GSE1: variants seen among roughly 807,000 people sequenced by gnomAD.
GSE1 encodes genetic suppressor element 1.
A neutral mutation model predicts 112.6 loss-of-function variants in GSE1; 32 were observed. That is an observed-to-expected ratio of 0.28 (90% CI 0.21 to 0.38). The LOEUF (loss-of-function observed/expected upper bound fraction) is 0.38, where lower values mean the gene tolerates loss of function less well. GSE1 is among the 10% of genes least tolerant of loss of function. The pLI is 1.00. For synonymous variants in GSE1, 1,115 were observed against 735.6 expected (o/e 1.52, Z -8.35); for missense variants, 2,348 against 1,699.2 (o/e 1.38, Z -6.71).
chr16:85,171,917 G>C (rs4783141), intron 1 of GSE1: 87,355 of 565,282 alleles, frequency 0.15, 7,852 homozygotes, highest in East Asian at 0.48. Context: ...GTTTTCACTG[G>C]TTCTGTGCGG....
chr16:85,272,836 A>T (rs1347150823), intron 1 of GSE1, among the ~76,000 whole-genome samples: 2 of 147,904 alleles, frequency 1.4e-5, no homozygotes, highest in African/African-American at 5.0e-5. Flanking sequence ...GAGTGCAATG[A>T]CATGATCTCT....
chr16:85,502,562 G>A (rs140585248), intron 2 of GSE1, among the ~76,000 whole-genome samples: 41 of 152,236 alleles, frequency 2.7e-4, no homozygotes, highest in Non-Finnish European at 5.3e-4. Context: ...CTGAGCCAAG[G>A]CCTCCACCTG....
chr16:85,374,667 C>G (rs914628651), intron 2 of GSE1, among the ~76,000 whole-genome samples: 1 of 152,248 alleles, frequency 6.6e-6, no homozygotes, highest in South Asian at 2.1e-4. Context: ...TGGCAGCCAG[C>G]CAGGCCCATG....
chr16:85,248,289 C>T (rs961209466), intron 1 of GSE1, among the ~76,000 whole-genome samples: 23 of 152,126 alleles, frequency 1.5e-4, no homozygotes, highest in African/African-American at 5.1e-4. Context: ...TTTGTCTTCC[C>T]GCCTCTGCCC....
At position 85,661,168 on chromosome 16, in the gene GSE1, C is replaced by G; in HGVS notation, c.1663C>G (p.Pro555Ala). The G allele has an allele frequency of 6.3e-7, 1 of 1,591,860 alleles. No individual in the cohort carries two copies. Among genetic ancestry groups the G allele is most frequent in the Non-Finnish European group, 8.6e-7 (1 of 1,163,800 alleles). Residue 555 changes from proline to alanine, a missense_variant, in exon 9 of 16, where the codon CCA becomes GCA. Coordinates refer to ENST00000253458, the MANE Select transcript of GSE1 (RefSeq NM_014615.5). ...TAGGCCAGGACCAAACCGTCACGAG[C>G]CAGGTGGCCGTGACCCTCCGCAGCA... ...TTRPGPNRHE[P>A]GGRDPPQHFG...
exon 1 of GSE1, chr16:85,169,854 G>T (rs946224256): frequency 4.1e-6 from 4 of 984,414 alleles, no homozygotes; most frequent in Non-Finnish European, 4.8e-6. Flanking sequence ...CGGTGGACAA[G>T]CGCATGTACT....
chr16:85,511,734 C>G (rs1406790434), intron 2 of GSE1, among the ~76,000 whole-genome samples: 2 of 152,092 alleles, frequency 1.3e-5, no homozygotes, highest in Admixed American at 6.5e-5. Context: ...ATTTGAGACA[C>G]GCAGGGGCTG....
At position 85,402,158 on chromosome 16, in the gene GSE1, G is replaced by A. The variant is rs140486950; in HGVS notation, c.2464+44515G>A. ...CGGAACGCAGCTTACGGCACACTCT[G>A]GGTGCCCTGCGATGTCTGGGCTGTG... On this transcript the variant is annotated intron_variant, in intron 2 of 2. Coordinates refer to the GSE1 transcript ENST00000637419. Among the ~76,000 whole-genome samples, 1,238 of 152,336 alleles carry A rather than the reference G, an allele frequency of 8.1e-3. 19 individuals are homozygous for A. Among genetic ancestry groups the A allele is most frequent in the South Asian group, 0.023 (110 of 4,824 alleles).
chr16:85,511,166 G>A (rs1261245022), intron 2 of GSE1, among the ~76,000 whole-genome samples: 1 of 152,176 alleles, frequency 6.6e-6, no homozygotes, highest in Non-Finnish European at 1.5e-5. Flanking sequence ...GGCCATCTGA[G>A]CTGGACTCAG....
At chr16:85,254,305 C>T (rs574244190) in intron 1 of GSE1, among the ~76,000 whole-genome samples, 3 of 152,200 alleles carry the variant, frequency 2.0e-5, no homozygotes, top group African/African-American at 7.2e-5. Context: ...TCCCACAGAG[C>T]CCTGCCTGCC....
upstream of GSE1, among the ~76,000 whole-genome samples, chr16:85,608,479 A>T (rs1043420873): frequency 6.7e-6 from 1 of 150,318 alleles, no homozygotes; most frequent in African/African-American, 2.5e-5. Context: ...CAGGCACTGG[A>T]CAGCTGCCCA....
intron 1 of GSE1, among the ~76,000 whole-genome samples, chr16:85,289,783 T>C (rs1185280731): frequency 6.6e-6 from 1 of 152,158 alleles, no homozygotes; most frequent in East Asian, 1.9e-4. Context: ...GGCTGGTCTT[T>C]GTCCCTCAAC....
intron 2 of GSE1, among the ~76,000 whole-genome samples, chr16:85,442,973 CT>C (rs1248982160): frequency 2.0e-5 from 3 of 152,202 alleles, no homozygotes; most frequent in African/African-American, 7.2e-5. Context: ...ACCCTGACCC[CT>C]GGCTCCGTCC....
At chr16:85,211,514 C>T (rs1417059575) in intron 1 of GSE1, among the ~76,000 whole-genome samples, 1 of 152,194 alleles carries the variant, frequency 6.6e-6, no homozygotes, top group Non-Finnish European at 1.5e-5. Context: ...GCGAGCCTCG[C>T]TTCAGTCATC....
intron 1 of GSE1, among the ~76,000 whole-genome samples, chr16:85,626,120 G>C (rs1196743334): frequency 6.6e-6 from 1 of 151,952 alleles, no homozygotes; most frequent in African/African-American, 2.4e-5. Flanking sequence ...AGGGCAGCCT[G>C]GGGGGGTGTT....
At chr16:85,515,286 G>A (rs919592037) in intron 2 of GSE1, among the ~76,000 whole-genome samples, 1 of 152,216 alleles carries the variant, frequency 6.6e-6, no homozygotes, top group Non-Finnish European at 1.5e-5. Context: ...CGGAGGCAGT[G>A]CCCGGGGAGC....
intron 1 of GSE1, among the ~76,000 whole-genome samples, chr16:85,326,599 C>A (rs1478654449): frequency 6.6e-6 from 1 of 152,252 alleles, no homozygotes; most frequent in Non-Finnish European, 1.5e-5. Context: ...GCTTCTGCTT[C>A]CCCTTCTGCC....
chr16:85,411,609 C>T (rs1191213317), intron 2 of GSE1, among the ~76,000 whole-genome samples: 11 of 18,796 alleles, frequency 5.9e-4, no homozygotes, highest in African/African-American at 6.6e-4. Context: ...CACTCAGGGC[C>T]CCCCCGGATA....
At chr16:85,344,520 G>C (rs771887792) in intron 1 of GSE1, among the ~76,000 whole-genome samples, 1 of 152,030 alleles carries the variant, frequency 6.6e-6, no homozygotes, top group Non-Finnish European at 1.5e-5. Context: ...ACATTTGATG[G>C]GCACCAGGAG....
Sources: allele counts gnomAD v4.1 joint callset (sites outside exome capture counted in the v4.1 genomes callset), GRCh38; gene constraint gnomAD v4.1.1; transcripts MANE v1.5; gene names NCBI Gene and HGNC (gene_info 2026-07-23, HGNC 2026-07-21).